The following CNTN4 variants were observed in gnomAD, a reference collection of about 807,000 sequenced individuals.
CNTN4 encodes the protein contactin 4.
Under a neutral mutation model 122.5 loss-of-function variants are expected in CNTN4, and 77 were observed. That is an observed-to-expected ratio of 0.63 (90% confidence interval 0.52 to 0.76). The LOEUF (loss-of-function observed/expected upper bound fraction) is 0.76. Among genes scored for constraint, CNTN4 ranks in the 30% least tolerant of loss-of-function variants. The pLI is 0.00. For missense variants in CNTN4, 1,256 were observed against 1,259.1 expected, an observed-to-expected ratio of 1.00 and a Z score of 0.04; for synonymous variants, 512 against 447.0, an observed-to-expected ratio of 1.15 and a Z score of -1.83.
At chr3:2,763,518 T>A (rs1439110367) in intron 6 of CNTN4, among the ~76,000 whole-genome samples, 1 of 152,232 alleles carries the variant, frequency 6.6e-6, no homozygotes, top group Non-Finnish European at 1.5e-5. Context: ...TTGCTTTAGT[T>A]GCAATTGCTT....
In CNTN4 at chr3:2,925,654, A is replaced by T; in HGVS notation, c.1233A>T (p.Thr411=). 2 of 1,613,702 alleles carry T rather than the reference A, an allele frequency of 1.2e-6. No homozygotes were observed. The highest frequency in any genetic ancestry group is 2.2e-5 in the South Asian group (2 of 91,024). Residue 411 remains threonine (T), a synonymous_variant, in exon 13 of 25, where the codon ACA becomes ACT. Coordinates refer to ENST00000418658, the MANE Select transcript of CNTN4 (RefSeq NM_175607.3). ...CTGTAGGTCCAGATTTTTCAAGAACACTCTTGAAAAGAGTAACTCTTGTCA... is the reference window on the plus strand; with the variant it reads ...CTGTAGGTCCAGATTTTTCAAGAACTCTCTTGAAAAGAGTAACTCTTGTCA... ...VIAVGPDFSR[T]LLKRVTLVKV...
intron 14 of CNTN4, among the ~76,000 whole-genome samples, chr3:3,016,812 A>G (rs969796414): frequency 1.3e-5 from 2 of 152,188 alleles, no homozygotes; most frequent in African/African-American, 4.8e-5. Flanking sequence ...CTTATTAAAC[A>G]GCTCTGCTTT....
chr3:2,960,052 GA>G (rs138863498), intron 13 of CNTN4, among the ~76,000 whole-genome samples: 8,411 of 152,134 alleles, frequency 0.055, 338 homozygotes, highest in Non-Finnish European at 0.079. Flanking sequence ...ATTCCAAAAT[GA>G]AATGAAGAAC....
chr3:3,057,572 G>A lies in CNTN4; in HGVS notation c.*1352G>A, dbSNP rs1701889020. On this transcript the variant is annotated 3_prime_UTR_variant, in exon 25 of 25. Transcript: ENST00000418658. Reference sequence around the variant, plus strand: ...AAACATTTTCTCATGTAAACATGCTGCCACCTTTTCTTCTTTCTCAGAGAA... The same window carrying A: ...AAACATTTTCTCATGTAAACATGCTACCACCTTTTCTTCTTTCTCAGAGAA... The A allele has an allele frequency of 6.6e-6, 1 of 152,596 alleles. No individual in the cohort carries two copies. The highest frequency in any genetic ancestry group is 1.9e-4 in the East Asian group (1 of 5,196). The allele number at this position is 152,596 out of a possible 1,614,324, so 9.5% of individuals were successfully genotyped here.
intron 3 of CNTN4, among the ~76,000 whole-genome samples, chr3:2,350,187 C>G (rs2150432790): frequency 6.6e-6 from 1 of 152,188 alleles, no homozygotes; most frequent in South Asian, 2.1e-4. Flanking sequence ...AAAAGGAGAG[C>G]CATAGTCACA....
At chr3:2,794,723 G>A (rs1401917130) in intron 6 of CNTN4, among the ~76,000 whole-genome samples, 1 of 152,144 alleles carries the variant, frequency 6.6e-6, no homozygotes, top group East Asian at 1.9e-4. Context: ...CATTGACTGT[G>A]GGCTTACAAA....
At chr3:2,168,565 CAAA>C (rs748285230) in intron 2 of CNTN4, among the ~76,000 whole-genome samples, 2 of 151,532 alleles carry the variant, frequency 1.3e-5, no homozygotes, top group African/African-American at 4.9e-5. Flanking sequence ...CATTATAAAA[CAAA>C]ATAAATTAAT....
chr3:2,763,962 G>A (rs570745247), intron 6 of CNTN4, among the ~76,000 whole-genome samples: 1 of 150,452 alleles, frequency 6.6e-6, no homozygotes, highest in Non-Finnish European at 1.5e-5. Context: ...TTGGCTATTC[G>A]GGCTTTTTTT....
intron 6 of CNTN4, among the ~76,000 whole-genome samples, chr3:2,770,754 A>G (rs1281845074): frequency 1.3e-5 from 2 of 152,234 alleles, no homozygotes; most frequent in African/African-American, 4.8e-5. Context: ...CGCAGTGGGA[A>G]TAGCAAGAGT....
chr3:2,706,723 T>A (rs2086763842), intron 4 of CNTN4, among the ~76,000 whole-genome samples: 1 of 152,148 alleles, frequency 6.6e-6, no homozygotes, highest in South Asian at 2.1e-4. Context: ...TCTTTTAACT[T>A]TGCTGCATGT....
intron 4 of CNTN4, among the ~76,000 whole-genome samples, chr3:2,653,033 T>C (rs1006220925): frequency 1.3e-5 from 2 of 152,154 alleles, no homozygotes; most frequent in Admixed American, 1.3e-4. Flanking sequence ...TGGGTAATAC[T>C]GTTTTTTGGT....
intron 4 of CNTN4, among the ~76,000 whole-genome samples, chr3:2,696,195 T>C (rs2086024881): frequency 6.6e-6 from 1 of 152,274 alleles, no homozygotes; most frequent in African/African-American, 2.4e-5. Flanking sequence ...ATAATCATCG[T>C]TGATAACTAT....
intron 6 of CNTN4, among the ~76,000 whole-genome samples, chr3:2,798,682 T>C (rs1244613644): frequency 6.6e-6 from 1 of 152,096 alleles, no homozygotes; most frequent in African/African-American, 2.4e-5. Flanking sequence ...GCTGTTTTTT[T>C]GTATTTTTAG....
intron 2 of CNTN4, among the ~76,000 whole-genome samples, chr3:2,295,795 G>A (rs189229876): frequency 7.0e-4 from 106 of 152,168 alleles, no homozygotes; most frequent in Non-Finnish European, 1.2e-3. Context: ...TTTTTCTAGG[G>A]TTTTTATGTT....
rs1342286899 is a variant in CNTN4 at position 2,657,163 on chromosome 3, C to A, written c.56-79052C>A. On this transcript the variant is annotated intron_variant, in intron 4 of 24. Coordinates refer to ENST00000418658, the MANE Select transcript of CNTN4 (RefSeq NM_175607.3). ...ACCGGACAAGCATATTTTTCCAATTCTAAGGGTAGAAAGTGTCTTTGTAAA... is the reference window on the plus strand; with the variant it reads ...ACCGGACAAGCATATTTTTCCAATTATAAGGGTAGAAAGTGTCTTTGTAAA... Among the ~76,000 whole-genome samples the A allele has an allele frequency of 7.9e-5, 12 of 152,228 alleles. No individual in the cohort carries two copies. The East Asian group carries it at 1.7e-3, about 22-fold the overall frequency.
intron 4 of CNTN4, among the ~76,000 whole-genome samples, chr3:2,591,320 G>A (rs2080461049): frequency 6.7e-6 from 1 of 148,932 alleles, no homozygotes; most frequent in African/African-American, 2.5e-5. Flanking sequence ...TTTTGATGTA[G>A]TCTGCCCTTT....
At chr3:2,565,797 T>C (rs1052876836) in intron 3 of CNTN4, among the ~76,000 whole-genome samples, 7 of 152,192 alleles carry the variant, frequency 4.6e-5, no homozygotes, top group Non-Finnish European at 7.4e-5. Flanking sequence ...TGTTTCCCGC[T>C]TCCTCGCCAT....
intron 7 of CNTN4, among the ~76,000 whole-genome samples, chr3:2,830,842 A>C (rs1267766382): frequency 3.9e-5 from 6 of 152,180 alleles, no homozygotes; most frequent in African/African-American, 1.4e-4. Context: ...AGGTCAGTGC[A>C]TTAAGCAGGA....
chr3:2,416,545 C>G (rs536080579), intron 3 of CNTN4, among the ~76,000 whole-genome samples: 1 of 152,312 alleles, frequency 6.6e-6, no homozygotes, highest in South Asian at 2.1e-4. Flanking sequence ...GTGGATATTA[C>G]ATTTGTTGAC....
Sources: allele counts gnomAD v4.1 joint callset (sites outside exome capture counted in the v4.1 genomes callset), GRCh38; gene constraint gnomAD v4.1.1; transcripts MANE v1.5; gene names NCBI Gene and HGNC (gene_info 2026-07-23, HGNC 2026-07-21).